The following KIF21A variants were observed in gnomAD, a reference collection of about 807,000 sequenced individuals.
KIF21A encodes the protein kinesin family member 21A, also known as kinesin-like protein KIF21A.
In KIF21A, 114 loss-of-function variants were observed where a neutral mutation model predicts 202.9. The ratio of observed to expected loss-of-function variants is 0.56; its 90% confidence interval spans 0.48 to 0.66. KIF21A has a LOEUF of 0.66. Ranked by LOEUF, KIF21A falls within the 30% of genes least tolerant of loss-of-function variation. The pLI is 0.00. For synonymous variants in KIF21A, 667 were observed against 670.8 expected (o/e 0.99, Z 0.09); for missense variants, 1,677 against 1,994.9 (o/e 0.84, Z 3.04).
chr12:39,354,042 G>T (rs1948594931), intron 10 of KIF21A, among the ~76,000 whole-genome samples: 1 of 152,008 alleles, frequency 6.6e-6, no homozygotes, highest in South Asian at 2.1e-4. Context: ...GTCTCTAAAA[G>T]GCCCCACTCT....
chr12:39,421,375 T>TTTAAGCAAAA (rs1242749768), intron 1 of KIF21A, among the ~76,000 whole-genome samples: 4 of 152,206 alleles, frequency 2.6e-5, no homozygotes, highest in Non-Finnish European at 4.4e-5. Context: ...AACATGACTG[T>TTTAAGCAAAA]AATATAAGAT....
At chr12:39,341,484 C>G in intron 14 of KIF21A, 21 bp downstream of exon 14, 1 of 1,610,910 alleles carries the variant, frequency 6.2e-7, no homozygotes, top group Non-Finnish European at 8.5e-7. Flanking sequence ...AATTTTTGCC[C>G]TTATACCAAA....
In KIF21A at chr12:39,293,676, A is replaced by G. The variant is rs1942043264; in HGVS notation, c.*748T>C. ...ACTCCATAGGAAAATAGATCAAAATATATTTCTGTTAGGACATCAACAATG... is the reference window on the plus strand; with the variant it reads ...ACTCCATAGGAAAATAGATCAAAATGTATTTCTGTTAGGACATCAACAATG... On this transcript the variant is annotated 3_prime_UTR_variant, in exon 38 of 38. Transcript: ENST00000361418. The G allele has an allele frequency of 6.6e-6, 1 of 152,498 alleles. No individual in the cohort carries two copies. The highest frequency in any genetic ancestry group is 6.6e-5 in the Admixed American group (1 of 15,264). 9.4% of individuals were successfully genotyped at this position (152,498 alleles called of 1,614,324 possible).
Position 39,294,512 on chromosome 12 carries a change from C to T in KIF21A, c.4937G>A (p.Arg1646Gln), listed in dbSNP as rs755174363. 13 of 1,612,086 alleles carry T rather than the reference C, an allele frequency of 8.1e-6. No individual in the cohort carries two copies. In the South Asian group the frequency reaches 9.9e-5, roughly 12 times the overall value. ...GCGAGCCTTCCAAATTCTCACAGTT[C>T]GATCACTACAAAAAAATAAACAAAA... ...STHIFTAADD[R>Q]TVRIWKARNL... Residue 1646 changes from arginine to glutamine, a missense_variant, in exon 38 of 38, where the codon CGA (arginine) becomes CAA (glutamine). By Grantham distance (43) the Arg-to-Gln change is conservative (BLOSUM62 1). Around this residue, in one of 3 missense-constraint regions of KIF21A, gnomAD observed 705 missense variants for 791.9 expected, o/e 0.89. Coordinates refer to ENST00000361418, the MANE Select transcript of KIF21A (RefSeq NM_001173464.2).
intron 37 of KIF21A, among the ~76,000 whole-genome samples, chr12:39,296,709 G>T (rs886738900): frequency 1.3e-5 from 2 of 152,202 alleles, no homozygotes; most frequent in African/African-American, 4.8e-5. Context: ...GGCAGGAGTG[G>T]CTTTGGAATG....
chr12:39,294,361 T>C lies in KIF21A; in HGVS notation c.*63A>G, dbSNP rs770437379. ...TTTGCCTAGTAAGTACAGGACAACA[T>C]TTTCCATAAAGAATACAGAGTATTA... is the stretch of plus-strand genomic sequence containing the variant. On this transcript the variant is annotated 3_prime_UTR_variant, in exon 38 of 38. Coordinates refer to ENST00000361418, the MANE Select transcript of KIF21A (RefSeq NM_001173464.2). 8 of 1,276,830 alleles carry C rather than the reference T, an allele frequency of 6.3e-6. No homozygotes were observed. The Admixed American group carries it at 1.3e-4, about 22-fold the overall frequency. The allele number at this position is 1,276,830 out of a possible 1,614,324, so 79.1% of individuals were successfully genotyped here.
At position 39,342,062 on chromosome 12, in the gene KIF21A, G is replaced by A. The variant is rs147231078; in HGVS notation, c.1775C>T (p.Ser592Leu). ...DQEKKEEKGV[S>L]ERENNELEVE... is the part of the protein sequence containing the mutation. Reference sequence around the variant, plus strand: ...TTCTAATTCATTGTTTTCTCTTTCCGAAACACCCTTTTCTTCTTTCTTCTC... The same window carrying A: ...TTCTAATTCATTGTTTTCTCTTTCCAAAACACCCTTTTCTTCTTTCTTCTC... The change falls in exon 13 of 38, where the codon TCG (serine) becomes TTG (leucine). Residue 592 changes from serine to leucine, a missense_variant. By Grantham distance (145) the Ser-to-Leu change is moderately radical (BLOSUM62 -2). Coordinates refer to ENST00000361418, the MANE Select transcript of KIF21A (RefSeq NM_001173464.2). 2.2e-5 allele frequency: 35 copies of A among 1,610,850 alleles called. No individual in the cohort carries two copies. The highest frequency in any genetic ancestry group is 4.0e-5 in the African/African-American group (3 of 74,780).
At chr12:39,379,023 A>C (rs1950439877) in intron 1 of KIF21A, among the ~76,000 whole-genome samples, 1 of 152,106 alleles carries the variant, frequency 6.6e-6, no homozygotes, top group African/African-American at 2.4e-5. Context: ...TAGGGGCAGA[A>C]GCACTAGCAT....
intron 28 of KIF21A, among the ~76,000 whole-genome samples, chr12:39,319,193 A>T (rs1284751944): frequency 6.6e-6 from 1 of 152,180 alleles, no homozygotes; most frequent in African/African-American, 2.4e-5. Context: ...TTTAAATGTA[A>T]ATTCGCATAA....
chr12:39,311,633 T>A, intron 31 of KIF21A, 80 bp from the exon 32 acceptor site: 1 of 1,448,962 alleles, frequency 6.9e-7, no homozygotes, highest in South Asian at 1.2e-5. Flanking sequence ...TTTGTTTTTT[T>A]CCCCTAACTT....
In KIF21A at chr12:39,407,880, GTAGCTAAATATATT is replaced by G. The variant is rs546822767; in HGVS notation, c.44+35033_44+35046del. ...ACATATTATATTTAGCATAAAATCA[GTAGCTAAATATATT>G]TAGCATATAAATATATGCTAAATAT... is the stretch of plus-strand genomic sequence containing the variant. On this transcript the variant is annotated intron_variant, in intron 1 of 37. Coordinates refer to ENST00000361418, the MANE Select transcript of KIF21A (RefSeq NM_001173464.2). Among the ~76,000 whole-genome samples the G allele has an allele frequency of 9.1e-4, 135 of 147,548 alleles. 1 individual carries two copies. Among genetic ancestry groups the G allele is most frequent in the African/African-American group, 3.2e-3 (129 of 39,890 alleles).
chr12:39,304,960 G>C lies in KIF21A; in HGVS notation c.4443-22C>G, dbSNP rs1943308996. 5 of 1,176,530 alleles carry C rather than the reference G, an allele frequency of 4.2e-6. No individual in the cohort carries two copies. The East Asian group carries it at 1.2e-4, about 29-fold the overall frequency. 72.9% of individuals were successfully genotyped at this position (1,176,530 alleles called of 1,614,324 possible). A position where few individuals can be genotyped will look rare whatever the true frequency, so the allele number is the denominator to read the frequency against. ...AAACCTTTAAAAATAAAGAAAAATA[G>C]TTTTGTTTAAAATTATTTCTTAGTA... On this transcript the variant is annotated intron_variant, in intron 34 of 37. Coordinates refer to ENST00000361418, the MANE Select transcript of KIF21A (RefSeq NM_001173464.2).
In KIF21A at chr12:39,366,504, T is replaced by A; in HGVS notation, c.749A>T (p.Asp250Val). ...TGCTGATTCAGAAATAATTTTATTATCAGTTGCATTGTCCTGAAATTAAGA... is the reference window on the plus strand; with the variant it reads ...TGCTGATTCAGAAATAATTTTATTAACAGTTGCATTGTCCTGAAATTAAGA... ...CPQIDADNAT[D>V]NKIISESAQM... is the part of the protein sequence containing the mutation. The change falls in exon 6 of 38, where the codon GAT becomes GTT. Residue 250 changes from aspartate to valine, a missense_variant. By Grantham distance (152) the Asp-to-Val change is radical (BLOSUM62 -3). Around this residue, in one of 3 missense-constraint regions of KIF21A, gnomAD observed 966 missense variants for 1,180.9 expected, o/e 0.82. Transcript: ENST00000361418. The A allele has an allele frequency of 6.2e-7, 1 of 1,605,760 alleles. No homozygotes were observed.
chr12:39,305,638 T>C (rs1289220396), intron 34 of KIF21A, among the ~76,000 whole-genome samples: 1 of 152,168 alleles, frequency 6.6e-6, no homozygotes, highest in African/African-American at 2.4e-5. Flanking sequence ...AAATAAGTTA[T>C]TCCAAAGCTG....
chr12:39,408,582 A>G (rs1952803203), intron 1 of KIF21A, among the ~76,000 whole-genome samples: 1 of 152,220 alleles, frequency 6.6e-6, no homozygotes, highest in Non-Finnish European at 1.5e-5. Flanking sequence ...AAAATAAAGT[A>G]TCTGAAATCA....
At chr12:39,356,781 CA>C in intron 10 of KIF21A, 50 bp downstream of exon 10, 1 of 852,582 alleles carries the variant, frequency 1.2e-6, no homozygotes, top group Non-Finnish European at 2.0e-6. Flanking sequence ...TATAACATTG[CA>C]AAATCCAAAA....
intron 31 of KIF21A, among the ~76,000 whole-genome samples, chr12:39,313,385 T>C (rs980607486): frequency 6.6e-6 from 1 of 151,874 alleles, no homozygotes; most frequent in African/African-American, 2.4e-5. Context: ...ATCAATTTCA[T>C]GGGGAAAGTT....
intron 11 of KIF21A, among the ~76,000 whole-genome samples, chr12:39,347,362 G>C (rs1947991115): frequency 2.0e-5 from 3 of 151,780 alleles, no homozygotes; most frequent in African/African-American, 7.3e-5. Flanking sequence ...ATTAAAACTT[G>C]GGGATCTTTA....
chr12:39,353,510 C>T (rs1456853791), intron 10 of KIF21A, among the ~76,000 whole-genome samples: 1 of 151,992 alleles, frequency 6.6e-6, no homozygotes, highest in African/African-American at 2.4e-5. Flanking sequence ...TATCAAACAA[C>T]AGAAAAGTAC....
Sources: gnomAD v4.1 joint callset for allele counts (sites outside exome capture counted in the v4.1 genomes callset) on GRCh38, gnomAD v4.1.1 for gene constraint, gnomAD v4.1.1 regional missense constraint, MANE v1.5 for transcripts, NCBI Gene and HGNC (gene_info 2026-07-23, HGNC 2026-07-21) for gene names.